Variants in GRM8 observed in about 807,000 individuals in gnomAD.
GRM8 encodes the protein glutamate metabotropic receptor 8, also known as metabotropic glutamate receptor 8.
In GRM8, 47 loss-of-function variants were observed where a neutral mutation model predicts 87.2. The ratio of observed to expected loss-of-function variants is 0.54; its 90% confidence interval spans 0.43 to 0.69. The LOEUF (loss-of-function observed/expected upper bound fraction) is 0.69. Ranked by LOEUF, GRM8 falls within the 30% of genes least tolerant of loss-of-function variation. The pLI is 0.00. For missense variants in GRM8, 1,019 were observed against 1,139.2 expected, an observed-to-expected ratio of 0.89 and a Z score of 1.52; for synonymous variants, 396 against 404.5, an observed-to-expected ratio of 0.98 and a Z score of 0.25.
At chr7:126,526,521 A>T (rs909303649) in intron 9 of GRM8, among the ~76,000 whole-genome samples, 1 of 152,186 alleles carries the variant, frequency 6.6e-6, no homozygotes, top group African/African-American at 2.4e-5. Flanking sequence ...TCAATTGAAA[A>T]ATACCACAAT....
At chr7:126,530,724 T>C (rs1316316211) in intron 9 of GRM8, among the ~76,000 whole-genome samples, 5 of 152,276 alleles carry the variant, frequency 3.3e-5, no homozygotes, top group South Asian at 4.1e-4. Context: ...AAAGCCTTCT[T>C]ATAGAGATAT....
chr7:126,705,439 A>G (rs1262336507), intron 7 of GRM8, among the ~76,000 whole-genome samples: 1 of 152,148 alleles, frequency 6.6e-6, no homozygotes, highest in African/African-American at 2.4e-5. Flanking sequence ...GTAAGTCACT[A>G]AACAAACATT....
At chr7:126,578,673 C>T (rs1795324450) in intron 8 of GRM8, among the ~76,000 whole-genome samples, 1 of 152,132 alleles carries the variant, frequency 6.6e-6, no homozygotes, top group South Asian at 2.1e-4. Flanking sequence ...TTACAAAAAG[C>T]AGCTATCTTT....
At chr7:127,176,155 T>C (rs1794090629) in intron 2 of GRM8, among the ~76,000 whole-genome samples, 1 of 152,054 alleles carries the variant, frequency 6.6e-6, no homozygotes, top group South Asian at 2.1e-4. Flanking sequence ...TATTGCAAAC[T>C]CTAGACCACT....
chr7:126,833,470 G>A (rs1795576540), intron 6 of GRM8, among the ~76,000 whole-genome samples: 1 of 152,160 alleles, frequency 6.6e-6, no homozygotes, highest in South Asian at 2.1e-4. Flanking sequence ...TTAAATAACA[G>A]ACATATAATT....
chr7:127,057,830 G>A (rs551097182), intron 3 of GRM8, among the ~76,000 whole-genome samples: 20 of 151,426 alleles, frequency 1.3e-4, no homozygotes, highest in Admixed American at 2.6e-4. Flanking sequence ...ACCTAATATA[G>A]GGAAAACTTG....
intron 8 of GRM8, among the ~76,000 whole-genome samples, chr7:126,581,209 T>TTAG (rs1795577482): frequency 6.6e-6 from 1 of 152,128 alleles, no homozygotes; most frequent in Admixed American, 6.6e-5. Flanking sequence ...CATCTCCTAA[T>TTAG]GTTCAGAGTC....
intron 2 of GRM8, among the ~76,000 whole-genome samples, chr7:127,241,219 G>A (rs1798273824): frequency 6.6e-6 from 1 of 152,116 alleles, no homozygotes; most frequent in African/African-American, 2.4e-5. Flanking sequence ...CACTCAAGGG[G>A]GTGTTACAAA....
At chr7:126,645,446 T>C (rs904191006) in intron 7 of GRM8, among the ~76,000 whole-genome samples, 2 of 152,190 alleles carry the variant, frequency 1.3e-5, no homozygotes, top group African/African-American at 4.8e-5. Flanking sequence ...TATGATTTTA[T>C]TCCCAACCAA....
In GRM8 at chr7:127,246,281, T is replaced by C. The variant is rs17869598; in HGVS notation, c.-311-2766A>G. On this transcript the variant is annotated intron_variant, in intron 1 of 10. Coordinates refer to ENST00000339582, the MANE Select transcript of GRM8 (RefSeq NM_000845.3). The stretch of plus-strand genomic sequence containing the variant: ...GAGCTTTAATCCAAGCTCATCCTAG[T>C]GGAGTCTGTGAGTTTTAAACAAATC... Among the ~76,000 whole-genome samples, 10 of 152,380 alleles carry C rather than the reference T, an allele frequency of 6.6e-5. 1 individual carries two copies. In the East Asian group the frequency reaches 1.9e-3, roughly 29 times the overall value.
intron 2 of GRM8, among the ~76,000 whole-genome samples, chr7:127,185,427 T>G (rs1174630543): frequency 6.6e-6 from 1 of 151,832 alleles, no homozygotes; most frequent in African/African-American, 2.4e-5. Context: ...ATAAGAAAAA[T>G]AACTTAGACA....
intron 7 of GRM8, among the ~76,000 whole-genome samples, chr7:126,669,935 T>C (rs940334985): frequency 6.6e-6 from 1 of 152,194 alleles, no homozygotes; most frequent in Non-Finnish European, 1.5e-5. Flanking sequence ...AAATTAATCT[T>C]GCAGAAGAGG....
intron 7 of GRM8, among the ~76,000 whole-genome samples, chr7:126,623,976 A>T (rs1359805639): frequency 6.6e-6 from 1 of 152,148 alleles, no homozygotes; most frequent in Non-Finnish European, 1.5e-5. Flanking sequence ...CATCTAATGC[A>T]TGGACAGGTT....
At chr7:126,801,623 T>C (rs990066919) in intron 6 of GRM8, among the ~76,000 whole-genome samples, 1 of 104,922 alleles carries the variant, frequency 9.5e-6, no homozygotes, top group East Asian at 2.0e-4. Flanking sequence ...ATAATACGTA[T>C]GTATTAGTTA....
intron 3 of GRM8, among the ~76,000 whole-genome samples, chr7:126,932,015 T>A (rs1805818587): frequency 6.6e-6 from 1 of 152,154 alleles, no homozygotes; most frequent in East Asian, 1.9e-4. Context: ...TCTTCTTTAA[T>A]TTATCCTGTA....
intron 3 of GRM8, among the ~76,000 whole-genome samples, chr7:127,079,653 C>T (rs991232940): frequency 1.3e-5 from 2 of 152,234 alleles, no homozygotes; most frequent in African/African-American, 4.8e-5. Flanking sequence ...AGAGCAAATC[C>T]TACCTACTGT....
chr7:127,023,745 C>T (rs1204297867), intron 3 of GRM8, among the ~76,000 whole-genome samples: 1 of 152,044 alleles, frequency 6.6e-6, no homozygotes, highest in African/African-American at 2.4e-5. Context: ...CAAAAATTTC[C>T]AATTTCAAAT....
chr7:126,821,728 TA>T (rs1794320323), intron 6 of GRM8, among the ~76,000 whole-genome samples: 1 of 152,238 alleles, frequency 6.6e-6, no homozygotes, highest in African/African-American at 2.4e-5. Context: ...CTGGTTCCCC[TA>T]AAGCTAATAC....
chr7:127,148,211 C>T (rs1223907706), intron 2 of GRM8, among the ~76,000 whole-genome samples: 1 of 151,954 alleles, frequency 6.6e-6, no homozygotes, highest in Non-Finnish European at 1.5e-5. Context: ...CTGCCCAATC[C>T]AATCCACCAA....
Sources: allele counts gnomAD v4.1 joint callset (sites outside exome capture counted in the v4.1 genomes callset), GRCh38; gene constraint gnomAD v4.1.1; transcripts MANE v1.5; gene names NCBI Gene and HGNC (gene_info 2026-07-23, HGNC 2026-07-21).